PAG1: variants seen among roughly 807,000 people sequenced by gnomAD.
The protein encoded by PAG1 is phosphoprotein membrane anchor with glycosphingolipid microdomains 1, also known as phosphoprotein associated with glycosphingolipid-enriched microdomains 1.
Under a neutral mutation model 31.7 loss-of-function variants are expected in PAG1, and 23 were observed. That is an observed-to-expected ratio of 0.73 (90% CI 0.52 to 1.03). PAG1 has a LOEUF of 1.03. PAG1 is among the 50% of genes least tolerant of loss of function. The probability of loss-of-function intolerance (pLI) is 0.00; values close to 1 mark genes in which losing one functional copy is unlikely to be tolerated. For synonymous variants in PAG1, 214 were observed against 210.3 expected, an observed-to-expected ratio of 1.02 and a Z score of -0.15; for missense variants, 473 against 540.7, an observed-to-expected ratio of 0.87 and a Z score of 1.24.
rs934111000 is a variant in PAG1, at chr8:81,074,042, C to T, written c.-233-3872G>A. ...GGAGCACTGGCCAGGTGTGGGCACA[C>T]GTGCAGACATGTGGGCAGATCCAGG... On this transcript the variant is annotated intron_variant, in intron 1 of 8. Coordinates refer to ENST00000220597, the MANE Select transcript of PAG1 (RefSeq NM_018440.4). 1.4e-4 allele frequency among the ~76,000 whole-genome samples: 21 copies of T among 152,216 alleles called. No homozygotes were observed. In the East Asian group the frequency reaches 3.9e-3, roughly 28 times the overall value.
intron 2 of PAG1, among the ~76,000 whole-genome samples, chr8:81,059,777 G>A (rs1808888440): frequency 6.6e-6 from 1 of 152,088 alleles, no homozygotes; most frequent in Non-Finnish European, 1.5e-5. Context: ...TGTAATCCCA[G>A]CACTTTGGGA....
intron 2 of PAG1, among the ~76,000 whole-genome samples, chr8:81,057,320 C>G (rs1808840732): frequency 6.6e-6 from 1 of 152,084 alleles, no homozygotes. Context: ...GGAACCAACC[C>G]AAATATCCAT....
intron 1 of PAG1, among the ~76,000 whole-genome samples, chr8:81,090,097 C>T (rs530823302): frequency 1.5e-4 from 23 of 152,262 alleles, no homozygotes; most frequent in African/African-American, 5.3e-4. Context: ...TTAAAACAAT[C>T]TCAAACAATT....
chr8:80,977,008 T>C, intron 8 of PAG1, 102 bp from the exon 9 acceptor site: 1 of 1,023,060 alleles, frequency 9.8e-7, no homozygotes, highest in Non-Finnish European at 1.4e-6. Context: ...TTTCTGTGTG[T>C]GTACTCCTTA....
At chr8:80,980,667 G>A (rs192507105) in intron 7 of PAG1, among the ~76,000 whole-genome samples, 173 bp from the exon 8 acceptor site, 1 of 152,298 alleles carries the variant, frequency 6.6e-6, no homozygotes, top group African/African-American at 2.4e-5. Context: ...CATGTATGAT[G>A]TTCGGGGATA....
rs2016465 is a variant in PAG1 at position 80,993,162 on chromosome 8, A to G, written c.66T>C (p.Ala22=). 0.35 allele frequency: 555,668 copies of G among 1,608,200 alleles called. 106,444 individuals are homozygous for G. Among genetic ancestry groups the G allele is most frequent in the African/African-American group, 0.75 (56,217 of 74,812 alleles). The change falls in exon 4 of 9, where the codon GCT becomes GCC. Residue 22 remains alanine, a synonymous_variant. Transcript: ENST00000220597. ...QMQITLWGSL[A]AVAIFFVITF... ...TGATGACGAAGAAAATGGCGACAGC[A>G]GCCAGACTTCCCCACAGGGTGATCT... is the stretch of plus-strand genomic sequence containing the variant.
intron 2 of PAG1, among the ~76,000 whole-genome samples, chr8:81,064,736 C>G (rs550929584): frequency 6.6e-6 from 1 of 152,106 alleles, no homozygotes; most frequent in African/African-American, 2.4e-5. Context: ...GTAGTTCTTA[C>G]GATCTTCTCA....
chr8:81,101,159 T>G (rs898948339), intron 1 of PAG1, among the ~76,000 whole-genome samples: 2 of 152,192 alleles, frequency 1.3e-5, no homozygotes, highest in African/African-American at 4.8e-5. Flanking sequence ...GACCACAGTA[T>G]TTAGCAATCC....
chr8:81,049,893 T>C (rs1179592932), intron 2 of PAG1, among the ~76,000 whole-genome samples: 1 of 152,148 alleles, frequency 6.6e-6, no homozygotes, highest in Non-Finnish European at 1.5e-5. Flanking sequence ...ATCATACATT[T>C]GGAGATTCAG....
At chr8:81,012,062 T>G (rs1324391086) in intron 3 of PAG1, among the ~76,000 whole-genome samples, 1 of 152,232 alleles carries the variant, frequency 6.6e-6, no homozygotes, top group Non-Finnish European at 1.5e-5. Flanking sequence ...CTCTTGCAAT[T>G]GTTCATTTCC....
At chr8:81,033,538 G>A (rs894526587) in intron 2 of PAG1, among the ~76,000 whole-genome samples, 2 of 152,188 alleles carry the variant, frequency 1.3e-5, no homozygotes, top group African/African-American at 4.8e-5. Context: ...TTCTGATACT[G>A]ACGATTTAGT....
At position 80,968,585 on chromosome 8, in the gene PAG1, A is replaced by T. The variant is rs569316706; in HGVS notation, c.*7959T>A. The T allele has an allele frequency of 6.6e-6, 1 of 152,346 alleles. No individual in the cohort carries two copies. The highest frequency in any genetic ancestry group is 1.5e-5 in the Non-Finnish European group (1 of 68,018). 9.4% of individuals were successfully genotyped at this position (152,346 alleles called of 1,614,324 possible). ...CTGGGATGGATGGTAGATGGATGCTACACTCTTCTAGAAAGTGCTTATGGA... is the reference window on the plus strand; with the variant it reads ...CTGGGATGGATGGTAGATGGATGCTTCACTCTTCTAGAAAGTGCTTATGGA... On this transcript the variant is annotated 3_prime_UTR_variant, in exon 9 of 9. Transcript: ENST00000220597.
At chr8:81,056,461 A>G (rs368314743) in intron 2 of PAG1, among the ~76,000 whole-genome samples, 1 of 152,130 alleles carries the variant, frequency 6.6e-6, no homozygotes, top group Non-Finnish European at 1.5e-5. Flanking sequence ...CAAAAACAAG[A>G]AATGGGGAAA....
chr8:81,065,855 T>C (rs1052231142), intron 2 of PAG1, among the ~76,000 whole-genome samples: 2 of 149,902 alleles, frequency 1.3e-5, no homozygotes, highest in Non-Finnish European at 2.9e-5. Context: ...ATCATATATA[T>C]ATCATATGTC....
Position 80,973,543 on chromosome 8 carries a change from TAAAA to T in PAG1, c.*2997_*3000del, listed in dbSNP as rs1438396088. On this transcript the variant is annotated 3_prime_UTR_variant, in exon 9 of 9. Coordinates refer to ENST00000220597, the MANE Select transcript of PAG1 (RefSeq NM_018440.4). ...AGATTTATAATTCTTACTTACAAGA[TAAAA>T]AAATTTCCTAAAATTTATTTTTAAA... 6.6e-6 allele frequency: 1 copy of T among 152,202 alleles called. No homozygotes were observed. The highest frequency in any genetic ancestry group is 2.1e-4 in the South Asian group (1 of 4,838). 9.4% of individuals were successfully genotyped at this position (152,202 alleles called of 1,614,324 possible).
intron 2 of PAG1, among the ~76,000 whole-genome samples, chr8:81,040,133 C>T (rs1210147622): frequency 2.0e-5 from 3 of 152,052 alleles, no homozygotes; most frequent in Non-Finnish European, 4.4e-5. Flanking sequence ...CTTATGAGTC[C>T]ACCCTGTTTC....
At chr8:81,016,594 C>A (rs1267447920) in intron 3 of PAG1, among the ~76,000 whole-genome samples, 3 of 152,180 alleles carry the variant, frequency 2.0e-5, no homozygotes, top group Non-Finnish European at 2.9e-5. Context: ...TCAAATGTTA[C>A]CATTTCTCAG....
Position 81,033,026 on chromosome 8 carries a change from A to G in PAG1, c.-174-2937T>C, listed in dbSNP as rs1422967091. On this transcript the variant is annotated intron_variant, in intron 2 of 8. Transcript: ENST00000220597. ...CCAAAATAGGCAAATACATAGAGAT[A>G]GAAAGTAGATTTGTGTTCCTTAGGG... 3.3e-5 allele frequency among the ~76,000 whole-genome samples: 5 copies of G among 152,230 alleles called. No homozygotes were observed. The East Asian group carries it at 9.6e-4, about 29-fold the overall frequency.
chr8:81,023,928 T>C (rs1417931289), intron 3 of PAG1, among the ~76,000 whole-genome samples: 2 of 152,158 alleles, frequency 1.3e-5, no homozygotes, highest in African/African-American at 4.8e-5. Flanking sequence ...CGTCACAACA[T>C]CAGTTGCTTC....
Sources: gnomAD v4.1 joint callset for allele counts (sites outside exome capture counted in the v4.1 genomes callset) on GRCh38, gnomAD v4.1.1 for gene constraint, MANE v1.5 for transcripts, NCBI Gene and HGNC (gene_info 2026-07-23, HGNC 2026-07-21) for gene names.